Variants in STXBP3 observed in about 807,000 individuals in gnomAD.
STXBP3 encodes syntaxin binding protein 3, also known as syntaxin-binding protein 3.
A neutral mutation model predicts 85.7 loss-of-function variants in STXBP3; 41 were observed. That is an observed-to-expected ratio of 0.48 (90% CI 0.37 to 0.62). The LOEUF is 0.62. Ranked by LOEUF, STXBP3 falls within the 20% of genes least tolerant of loss-of-function variation. STXBP3 has a pLI of 0.00. For missense variants in STXBP3, 563 were observed against 703.1 expected, an observed-to-expected ratio of 0.80 and a Z score of 2.25; for synonymous variants, 229 against 231.7, an observed-to-expected ratio of 0.99 and a Z score of 0.10.
At chr1:108,774,850 A>G (rs1012655494) in intron 7 of STXBP3, among the ~76,000 whole-genome samples, 3 of 151,866 alleles carry the variant, frequency 2.0e-5, no homozygotes, top group Admixed American at 6.6e-5. Context: ...TGAAGCTTCT[A>G]CTGTTGGTGA....
chr1:108,786,768 C>G (rs1662838709), intron 11 of STXBP3, among the ~76,000 whole-genome samples: 1 of 152,188 alleles, frequency 6.6e-6, no homozygotes, highest in Non-Finnish European at 1.5e-5. Context: ...CAACCTTTGT[C>G]TTTTAATACA....
chr1:108,748,412 C>T (rs1661838325), intron 1 of STXBP3, among the ~76,000 whole-genome samples: 2 of 152,140 alleles, frequency 1.3e-5, no homozygotes, highest in South Asian at 2.1e-4. Context: ...TTCCCACCTA[C>T]ATGGGAGGCT....
At chr1:108,799,096 T>C (rs1663175640) in intron 16 of STXBP3, among the ~76,000 whole-genome samples, 1 of 152,236 alleles carries the variant, frequency 6.6e-6, no homozygotes, top group Non-Finnish European at 1.5e-5. Context: ...GTCATGATCA[T>C]ATAGTTTTTA....
At chr1:108,785,289 A>G (rs538217332) in intron 11 of STXBP3, among the ~76,000 whole-genome samples, 2 of 152,294 alleles carry the variant, frequency 1.3e-5, no homozygotes, top group Non-Finnish European at 2.9e-5. Context: ...CTGAAATCTA[A>G]GCAGAGGTTC....
intron 17 of STXBP3, among the ~76,000 whole-genome samples, chr1:108,803,830 G>T (rs958509549): frequency 2.0e-5 from 3 of 152,168 alleles, no homozygotes; most frequent in African/African-American, 4.8e-5. Context: ...TCATTTGGTC[G>T]TTGTTCTTAG....
chr1:108,776,527 A>G (rs1186937029), intron 8 of STXBP3, 104 bp downstream of exon 8: 2 of 729,684 alleles, frequency 2.7e-6, no homozygotes, highest in Non-Finnish European at 4.3e-6. Flanking sequence ...TTTGGGAGTC[A>G]TTAACATAGA....
At position 108,779,426 on chromosome 1, in the gene STXBP3, A is replaced by G. The variant is rs1184902131; in HGVS notation, c.809+16A>G. The G allele has an allele frequency of 1.2e-6, 2 of 1,605,516 alleles. No homozygotes were observed. Among genetic ancestry groups the G allele is most frequent in the Non-Finnish European group, 1.7e-6 (2 of 1,175,718 alleles). ...ATACATACAAGCAAGTATAACTTGA[A>G]GGGCATATAAAGGGCATATACAAAC... On this transcript the variant is annotated intron_variant, in intron 9 of 18. Coordinates refer to ENST00000370008, the MANE Select transcript of STXBP3 (RefSeq NM_007269.4).
Position 108,779,397 on chromosome 1 carries a change from A to C in STXBP3, c.796A>C (p.Asn266His), listed in dbSNP as rs751647043. ...AMAYDLLPIE[N>H]DTYKYKTDGK... ...GGCATATGATCTACTACCAATTGAG[A>C]ATGATACATACAAGCAAGTATAACT... Residue 266 changes from asparagine to histidine, a missense_variant, in exon 9 of 19, where the codon AAT (asparagine) becomes CAT (histidine). Around this residue, in one of 3 missense-constraint regions of STXBP3, gnomAD observed 494 missense variants for 592.8 expected, o/e 0.83. Transcript: ENST00000370008. 1 of 1,610,974 alleles carries C rather than the reference A, an allele frequency of 6.2e-7. No individual in the cohort carries two copies. Among genetic ancestry groups the C allele is most frequent in the African/African-American group, 1.3e-5 (1 of 74,872 alleles).
chr1:108,793,008 C>T (rs1663009682), intron 11 of STXBP3, among the ~76,000 whole-genome samples: 1 of 152,078 alleles, frequency 6.6e-6, no homozygotes, highest in Admixed American at 6.6e-5. Context: ...TTCTTTACTA[C>T]ACCTTTGAGG....
intron 3 of STXBP3, 34 bp from the exon 4 acceptor site, chr1:108,756,655 AT>A: frequency 7.9e-7 from 1 of 1,258,220 alleles, no homozygotes; most frequent in Non-Finnish European, 1.1e-6. Flanking sequence ...GTATATAAAT[AT>A]TTGGTTATAT....
chr1:108,783,009 T>A (rs772354249), intron 11 of STXBP3, among the ~76,000 whole-genome samples: 1 of 152,172 alleles, frequency 6.6e-6, no homozygotes, highest in Non-Finnish European at 1.5e-5. Context: ...CTCAAGTGAT[T>A]GTTTTGCCTC....
intron 7 of STXBP3, among the ~76,000 whole-genome samples, chr1:108,775,072 A>G: frequency 6.6e-6 from 1 of 152,246 alleles, no homozygotes; most frequent in African/African-American, 2.4e-5. Context: ...AGTTTAATTT[A>G]TTGTACAATT....
intron 13 of STXBP3, among the ~76,000 whole-genome samples, chr1:108,795,864 G>A (rs1663078798): frequency 1.3e-5 from 2 of 152,072 alleles, no homozygotes; most frequent in Admixed American, 1.3e-4. Context: ...GATTTTGTGT[G>A]TTTGTTTTTT....
intron 9 of STXBP3, chr1:108,782,196 C>G (rs1317432600): frequency 4.7e-6 from 2 of 421,292 alleles, no homozygotes; most frequent in Non-Finnish European, 8.4e-6. Context: ...AATAATGGCA[C>G]CTAAACTGAA....
rs1290452863 is a variant in STXBP3 at position 108,769,310 on chromosome 1, G to C, written c.439-3355G>C. Among the ~76,000 whole-genome samples, 3 of 152,058 alleles carry C rather than the reference G, an allele frequency of 2.0e-5. No homozygotes were observed. In the East Asian group the frequency reaches 5.8e-4, roughly 29 times the overall value. ...CTCATGGGGTGGCAGAGGCAGAGGA[G>C]GTGGCAGGGGAGGCAGGCACACTCT... On this transcript the variant is annotated intron_variant, in intron 6 of 18. Coordinates refer to ENST00000370008, the MANE Select transcript of STXBP3 (RefSeq NM_007269.4).
At chr1:108,807,576 GTTT>G (rs375887364) in intron 18 of STXBP3, 27 bp downstream of exon 18, 1,369 of 1,334,580 alleles carry the variant, frequency 1.0e-3, no homozygotes, top group Admixed American at 2.1e-3. Flanking sequence ...CTTCTTTTCT[GTTT>G]TTTTTTTTTT....
At chr1:108,766,963 A>T (rs1348854722) in intron 6 of STXBP3, 10 of 529,562 alleles carry the variant, frequency 1.9e-5, no homozygotes, top group Non-Finnish European at 3.5e-5. Context: ...TTATTGATCC[A>T]TACTGTTGCT....
chr1:108,782,777 T>A (rs1662743197), intron 11 of STXBP3, 71 bp downstream of exon 11: 1 of 1,384,434 alleles, frequency 7.2e-7, no homozygotes, highest in Non-Finnish European at 9.8e-7. Flanking sequence ...ATCTTTATTT[T>A]ATTTCTGTAA....
At chr1:108,808,750 T>C (rs1305092652) in intron 18 of STXBP3, 33 bp from the exon 19 acceptor site, 1 of 1,514,100 alleles carries the variant, frequency 6.6e-7, no homozygotes, top group Non-Finnish European at 9.2e-7. Context: ...ATTTAACTGC[T>C]GGCCTCTGAA....
Sources: allele counts gnomAD v4.1 joint callset (sites outside exome capture counted in the v4.1 genomes callset), GRCh38; gene constraint gnomAD v4.1.1; regional missense constraint gnomAD v4.1.1; transcripts MANE v1.5; gene names NCBI Gene and HGNC (gene_info 2026-07-23, HGNC 2026-07-21).